WARS2: variants seen among roughly 807,000 people sequenced by gnomAD.
WARS2 encodes the protein tryptophanyl tRNA synthetase 2, mitochondrial, also known as tryptophan--tRNA ligase, mitochondrial.
WARS2 carries 28 observed loss-of-function variants against 36.5 expected under a neutral mutation model. That is an observed-to-expected ratio of 0.77 (90% CI 0.57 to 1.05). WARS2 has a LOEUF of 1.05. Among genes scored for constraint, WARS2 ranks in the 50% least tolerant of loss-of-function variants. WARS2 has a pLI of 0.00. For missense variants in WARS2, 435 were observed against 456.8 expected, an observed-to-expected ratio of 0.95 and a Z score of 0.44; for synonymous variants, 174 against 178.4, an observed-to-expected ratio of 0.98 and a Z score of 0.20.
chr1:119,039,600 G>A (rs989967086), intron 4 of WARS2, among the ~76,000 whole-genome samples: 24 of 152,108 alleles, frequency 1.6e-4, no homozygotes, highest in African/African-American at 5.8e-4. Flanking sequence ...TATTTTGTCT[G>A]TATTCAAATT....
At chr1:119,060,827 A>G (rs1650313935) in intron 2 of WARS2, among the ~76,000 whole-genome samples, 1 of 152,200 alleles carries the variant, frequency 6.6e-6, no homozygotes, top group African/African-American at 2.4e-5. Context: ...TGAAAAAACA[A>G]AGTTTGGGTC....
intron 2 of WARS2, among the ~76,000 whole-genome samples, chr1:119,050,835 T>C (rs1649288836): frequency 6.6e-6 from 1 of 152,168 alleles, no homozygotes; most frequent in South Asian, 2.1e-4. Flanking sequence ...ATCCAAGATT[T>C]TGGTTGCCTG....
chr1:119,099,740 G>A (rs1027743994), intron 1 of WARS2, among the ~76,000 whole-genome samples: 1 of 152,150 alleles, frequency 6.6e-6, no homozygotes, highest in Non-Finnish European at 1.5e-5. Context: ...TGGGAAAATT[G>A]GAGAGCCACA....
intron 1 of WARS2, among the ~76,000 whole-genome samples, chr1:119,107,772 G>A (rs866824008): frequency 3.9e-5 from 6 of 152,018 alleles, no homozygotes; most frequent in Non-Finnish European, 7.4e-5. Flanking sequence ...TTAGCAGAAA[G>A]CTTCAAGTTT....
intron 1 of WARS2, among the ~76,000 whole-genome samples, chr1:119,121,560 A>G (rs587654178): frequency 6.6e-6 from 1 of 152,216 alleles, no homozygotes; most frequent in Non-Finnish European, 1.5e-5. Context: ...TTCATATGTA[A>G]GAAAAAAAAA....
chr1:119,090,646 G>C (rs750540028), intron 1 of WARS2, among the ~76,000 whole-genome samples: 2 of 152,272 alleles, frequency 1.3e-5, no homozygotes, highest in Non-Finnish European at 2.9e-5. Context: ...GCCGATGTGG[G>C]AGGATCACTT....
At chr1:119,077,068 G>C (rs1218000490) in intron 1 of WARS2, among the ~76,000 whole-genome samples, 2 of 144,618 alleles carry the variant, frequency 1.4e-5, no homozygotes, top group Non-Finnish European at 3.0e-5. Context: ...AACCTGGGAG[G>C]TGGAGGCTGC....
intron 2 of WARS2, among the ~76,000 whole-genome samples, chr1:119,067,924 T>C (rs1651005516): frequency 6.6e-6 from 1 of 152,160 alleles, no homozygotes; most frequent in Admixed American, 6.5e-5. Flanking sequence ...GTACTGCAGC[T>C]TGTTCATCAT....
intron 1 of WARS2, among the ~76,000 whole-genome samples, chr1:119,124,073 C>T (rs189578046): frequency 2.0e-5 from 3 of 152,318 alleles, no homozygotes; most frequent in Non-Finnish European, 4.4e-5. Flanking sequence ...TATTTTGTGT[C>T]TCAGTAAATT....
chr1:119,053,463 T>G (rs1317827413), intron 2 of WARS2, among the ~76,000 whole-genome samples: 12 of 152,158 alleles, frequency 7.9e-5, no homozygotes, highest in Admixed American at 3.3e-4. Context: ...TTAGCTACCA[T>G]GACAAAAAAT....
intron 2 of WARS2, among the ~76,000 whole-genome samples, chr1:119,059,518 A>G (rs1309984891): frequency 6.6e-6 from 1 of 152,202 alleles, no homozygotes; most frequent in African/African-American, 2.4e-5. Flanking sequence ...TCAGCTTTCT[A>G]CATTTCTTTT....
At chr1:119,054,845 A>C (rs1244365383) in intron 2 of WARS2, among the ~76,000 whole-genome samples, 1 of 152,232 alleles carries the variant, frequency 6.6e-6, no homozygotes, top group African/African-American at 2.4e-5. Context: ...TATACATTTG[A>C]GTAGTCAAAC....
intron 2 of WARS2, 75 bp from the exon 3 acceptor site, chr1:119,045,737 A>G: frequency 5.9e-6 from 7 of 1,183,304 alleles, no homozygotes; most frequent in Non-Finnish European, 8.6e-6. Flanking sequence ...AGTAGTAAGT[A>G]TTACCCTAAA....
chr1:119,101,543 A>G (rs954168993), intron 1 of WARS2, among the ~76,000 whole-genome samples: 5 of 152,316 alleles, frequency 3.3e-5, no homozygotes, highest in Middle Eastern at 3.4e-3. Flanking sequence ...TTATGTTTTC[A>G]AGCAGTGTCT....
intron 2 of WARS2, among the ~76,000 whole-genome samples, chr1:119,057,260 C>G (rs920039303): frequency 6.6e-6 from 1 of 151,944 alleles, no homozygotes; most frequent in Non-Finnish European, 1.5e-5. Context: ...ATTCTCCTGC[C>G]TCAGCCTCCT....
At chr1:119,045,175 TAAATA>T (rs1173656944) in intron 3 of WARS2, among the ~76,000 whole-genome samples, 1 of 152,228 alleles carries the variant, frequency 6.6e-6, no homozygotes, top group African/African-American at 2.4e-5. Context: ...GTTTAAATGT[TAAATA>T]AAATATGTTG....
chr1:119,067,542 C>T (rs1650972234), intron 2 of WARS2, among the ~76,000 whole-genome samples: 2 of 152,208 alleles, frequency 1.3e-5, no homozygotes, highest in African/African-American at 4.8e-5. Context: ...GAGGCATTGT[C>T]ATTAACTTTA....
chr1:119,123,517 A>C (rs1655461010), intron 1 of WARS2, among the ~76,000 whole-genome samples: 1 of 152,214 alleles, frequency 6.6e-6, no homozygotes, highest in African/African-American at 2.4e-5. Context: ...ACTCCTTATC[A>C]TTCCATGTAC....
intron 1 of WARS2, among the ~76,000 whole-genome samples, chr1:119,136,479 G>C: frequency 6.6e-6 from 1 of 152,206 alleles, no homozygotes; most frequent in East Asian, 1.9e-4. Context: ...CACCGACTGA[G>C]ATTAAAAGGA....
Sources: allele counts gnomAD v4.1 joint callset (sites outside exome capture counted in the v4.1 genomes callset), GRCh38; gene constraint gnomAD v4.1.1; transcripts MANE v1.5; gene names NCBI Gene and HGNC (gene_info 2026-07-23, HGNC 2026-07-21).